PXDNL: variants seen among roughly 807,000 people sequenced by gnomAD.
PXDNL encodes peroxidasin like, also known as probable oxidoreductase PXDNL.
A neutral mutation model predicts 150.8 loss-of-function variants in PXDNL; 145 were observed. That is an observed-to-expected ratio of 0.96 (90% CI 0.84 to 1.10). PXDNL has a LOEUF of 1.10. Ranked by LOEUF, PXDNL falls within the 50% of genes least tolerant of loss-of-function variation. The pLI is 0.00. For missense variants in PXDNL, 2,087 were observed against 1,873.9 expected (o/e 1.11, Z -2.10); for synonymous variants, 757 against 725.7 (o/e 1.04, Z -0.69).
intron 1 of PXDNL, among the ~76,000 whole-genome samples, chr8:51,776,545 C>A (rs963870229): frequency 1.3e-5 from 2 of 152,146 alleles, no homozygotes; most frequent in South Asian, 2.1e-4. Context: ...ATAACCCTGA[C>A]AAAGTCTCTA....
chr8:51,559,679 C>A (rs1297919421), intron 3 of PXDNL, among the ~76,000 whole-genome samples: 1 of 151,932 alleles, frequency 6.6e-6, no homozygotes, highest in Non-Finnish European at 1.5e-5. Context: ...GGTAGAACAA[C>A]AAAGGGTGAG....
chr8:51,699,605 C>T lies in PXDNL; in HGVS notation c.165-44845G>A, dbSNP rs182872304. 5.3e-5 allele frequency among the ~76,000 whole-genome samples: 8 copies of T among 152,340 alleles called. No individual in the cohort carries two copies. In the East Asian group the frequency reaches 1.3e-3, roughly 26 times the overall value. ...CTTTTCCTTTGCATTCACAACTTGG[C>T]TGTTCGGCACAAGAGGCCTAGCTTT... is the stretch of plus-strand genomic sequence containing the variant. On this transcript the variant is annotated intron_variant, in intron 1 of 22. Transcript: ENST00000356297.
intron 4 of PXDNL, among the ~76,000 whole-genome samples, chr8:51,554,252 G>A (rs1264690370): frequency 2.0e-5 from 3 of 152,148 alleles, no homozygotes; most frequent in Non-Finnish European, 4.4e-5. Context: ...GGGAATTTGG[G>A]GGGCAGAGAC....
chr8:51,559,330 A>ACCCC (rs59230172), intron 3 of PXDNL, among the ~76,000 whole-genome samples: 4 of 98,142 alleles, frequency 4.1e-5, no homozygotes, highest in Non-Finnish European at 7.1e-5. Context: ...TTTCTTCCAA[A>ACCCC]CCCCCCCCCC....
At chr8:51,637,244 TG>T (rs1054183243) in intron 2 of PXDNL, among the ~76,000 whole-genome samples, 1 of 151,872 alleles carries the variant, frequency 6.6e-6, no homozygotes, top group Non-Finnish European at 1.5e-5. Context: ...ACCACAAAGA[TG>T]GGGAAAAAAA....
At chr8:51,360,277 A>G (rs1255079545) in intron 19 of PXDNL, among the ~76,000 whole-genome samples, 1 of 152,172 alleles carries the variant, frequency 6.6e-6, no homozygotes, top group African/African-American at 2.4e-5. Context: ...GCATGCATAC[A>G]CTCAAACATG....
intron 12 of PXDNL, chr8:51,436,557 A>T (rs893721361): frequency 4.1e-6 from 1 of 242,638 alleles, no homozygotes; most frequent in Non-Finnish European, 8.5e-6. Context: ...CTCCAAAAGG[A>T]TCCCTCAAAA....
chr8:51,502,484 G>C lies in PXDNL; in HGVS notation c.381-2714C>G, dbSNP rs188571879. Among the ~76,000 whole-genome samples the C allele has an allele frequency of 3.3e-5, 5 of 152,256 alleles. No homozygotes were observed. In the East Asian group the frequency reaches 9.7e-4, roughly 29 times the overall value. On this transcript the variant is annotated intron_variant, in intron 4 of 22. Coordinates refer to ENST00000356297, the MANE Select transcript of PXDNL (RefSeq NM_144651.5). Reference sequence around the variant, plus strand: ...TCCTGTTCTCAGTTTGCCTACATTAGTGGCTTTTTAAATGTGAAGCTGTGG... The same window carrying C: ...TCCTGTTCTCAGTTTGCCTACATTACTGGCTTTTTAAATGTGAAGCTGTGG...
intron 5 of PXDNL, among the ~76,000 whole-genome samples, chr8:51,487,040 G>T (rs949184647): frequency 6.6e-6 from 1 of 151,382 alleles, no homozygotes; most frequent in Non-Finnish European, 1.5e-5. Flanking sequence ...TGATCGGCCC[G>T]CCCCGGCTTC....
intron 4 of PXDNL, among the ~76,000 whole-genome samples, chr8:51,533,035 C>T (rs6473615): frequency 0.08 from 12,104 of 152,236 alleles, 779 homozygotes; most frequent in East Asian, 0.23. Context: ...ACAGCAGCAA[C>T]TCCAGAAGCT....
At chr8:51,574,019 A>G (rs1812998741) in intron 3 of PXDNL, among the ~76,000 whole-genome samples, 1 of 152,002 alleles carries the variant, frequency 6.6e-6, no homozygotes, top group African/African-American at 2.4e-5. Flanking sequence ...TTACATTTCT[A>G]TTGTAAGCCA....
intron 5 of PXDNL, among the ~76,000 whole-genome samples, chr8:51,488,264 A>G (rs1204880755): frequency 6.6e-6 from 1 of 152,206 alleles, no homozygotes; most frequent in Non-Finnish European, 1.5e-5. Flanking sequence ...GAAAATGTTG[A>G]CAGATGAAAT....
At chr8:51,380,999 G>A (rs1285326788) in intron 17 of PXDNL, among the ~76,000 whole-genome samples, 2 of 152,004 alleles carry the variant, frequency 1.3e-5, no homozygotes, top group Admixed American at 6.6e-5. Flanking sequence ...TGTTATATAT[G>A]TATGTATATA....
chr8:51,366,057 G>A (rs926709338), intron 19 of PXDNL, among the ~76,000 whole-genome samples: 5 of 152,154 alleles, frequency 3.3e-5, no homozygotes, highest in Non-Finnish European at 4.4e-5. Context: ...TGACATTTAC[G>A]ATGATGACAG....
At chr8:51,546,646 G>A (rs1444374600) in intron 4 of PXDNL, among the ~76,000 whole-genome samples, 1 of 152,198 alleles carries the variant, frequency 6.6e-6, no homozygotes, top group African/African-American at 2.4e-5. Flanking sequence ...TGAACATGAA[G>A]TGCAGAAATG....
chr8:51,568,156 TAATAAAA>T (rs1812863887), intron 3 of PXDNL, among the ~76,000 whole-genome samples: 1 of 151,046 alleles, frequency 6.6e-6, no homozygotes, highest in Non-Finnish European at 1.5e-5. Context: ...TATCAATAAA[TAATAAAA>T]AATAAAAGAT....
chr8:51,330,993 G>A (rs1805663796), intron 21 of PXDNL, among the ~76,000 whole-genome samples: 1 of 152,194 alleles, frequency 6.6e-6, no homozygotes, highest in Admixed American at 6.5e-5. Flanking sequence ...GGACTAGATT[G>A]CAGATCCGGA....
intron 21 of PXDNL, among the ~76,000 whole-genome samples, chr8:51,330,331 G>A (rs1046636527): frequency 1.3e-5 from 2 of 152,002 alleles, no homozygotes; most frequent in Non-Finnish European, 2.9e-5. Context: ...AAACTAAAAT[G>A]CAAAGAAAAA....
chr8:51,460,617 C>G (rs1810054619), intron 8 of PXDNL, among the ~76,000 whole-genome samples: 1 of 151,472 alleles, frequency 6.6e-6, no homozygotes, highest in South Asian at 2.1e-4. Context: ...CGCCAAGTGC[C>G]AAGACCCGTT....
Sources: allele counts gnomAD v4.1 joint callset (sites outside exome capture counted in the v4.1 genomes callset), GRCh38; gene constraint gnomAD v4.1.1; transcripts MANE v1.5; gene names NCBI Gene and HGNC (gene_info 2026-07-23, HGNC 2026-07-21).